Variants in PTPN3 observed in about 807,000 individuals in gnomAD.
PTPN3 encodes tyrosine-protein phosphatase non-receptor type 3.
A neutral mutation model predicts 132.7 loss-of-function variants in PTPN3; 96 were observed. The observed-to-expected ratio is 0.72, with a 90% CI of 0.61 to 0.86. The LOEUF is 0.86. PTPN3 is among the 40% of genes least tolerant of loss of function. The pLI is 0.00. For synonymous variants in PTPN3, 398 were observed against 429.0 expected (o/e 0.93, Z 0.89); for missense variants, 1,125 against 1,159.6 (o/e 0.97, Z 0.43).
chr9:109,517,517 T>C, the PTPN3 span, among the ~76,000 whole-genome samples: 1 of 152,306 alleles, frequency 6.6e-6, no homozygotes, highest in Admixed American at 6.5e-5. Context: ...CAAAAATGAA[T>C]GTGAATTAAA....
chr9:109,532,979 G>T, the PTPN3 span: 1 of 446,158 alleles, frequency 2.2e-6, no homozygotes, highest in Non-Finnish European at 3.0e-6. Context: ...TTTTGAGACG[G>T]GGCCTCGCTC....
chr9:109,380,407 C>T (rs1838964488), intron 25 of PTPN3, among the ~76,000 whole-genome samples: 1 of 152,156 alleles, frequency 6.6e-6, no homozygotes, highest in African/African-American at 2.4e-5. Context: ...AGGCACATGC[C>T]ACCATGCCTG....
In PTPN3 at chr9:109,438,217, T is replaced by C; in HGVS notation, c.484A>G (p.Asn162Asp). Residue 162 changes from asparagine to aspartate, a missense_variant, in exon 8 of 26, where the codon AAT (asparagine) becomes GAT (aspartate). Asn to Asp is a conservative substitution (Grantham distance 23, BLOSUM62 1). Transcript: ENST00000374541. ...TAGCCTGGATGATGTATGGAAGAAT[T>C]ATAGTCTCCAAAATGAGCTATCAAG... ...YAVQSHFGDY[N>D]SSIHHPGYLS... The C allele has an allele frequency of 6.2e-7, 1 of 1,613,006 alleles. No homozygotes were observed. Among genetic ancestry groups the C allele is most frequent in the Non-Finnish European group, 8.5e-7 (1 of 1,179,398 alleles).
chr9:109,470,840 G>A (rs542276348), intron 1 of PTPN3, among the ~76,000 whole-genome samples: 1 of 152,202 alleles, frequency 6.6e-6, no homozygotes, highest in Admixed American at 6.5e-5. Flanking sequence ...TTTTTAACCA[G>A]TGACTTAAAA....
At chr9:109,529,429 G>GT in the PTPN3 span, among the ~76,000 whole-genome samples, 1 of 144,178 alleles carries the variant, frequency 6.9e-6, no homozygotes, top group Non-Finnish European at 1.6e-5. Flanking sequence ...GTCCGAGAGA[G>GT]TGCCCCAGTT....
chr9:109,492,025 T>A (rs1413891754), intron 1 of PTPN3, among the ~76,000 whole-genome samples: 1 of 152,168 alleles, frequency 6.6e-6, no homozygotes, highest in African/African-American at 2.4e-5. Flanking sequence ...CAGAGAAGCA[T>A]CATGCATAAT....
intron 1 of PTPN3, among the ~76,000 whole-genome samples, chr9:109,468,573 A>C (rs912962742): frequency 6.6e-6 from 1 of 152,084 alleles, no homozygotes; most frequent in Admixed American, 6.5e-5. Flanking sequence ...TCACCATGTT[A>C]GCCAGGATGG....
At chr9:109,416,476 C>T (rs1285963166) in intron 14 of PTPN3, among the ~76,000 whole-genome samples, 1 of 148,792 alleles carries the variant, frequency 6.7e-6, no homozygotes, top group Non-Finnish European at 1.5e-5. Flanking sequence ...GACAGGGTCT[C>T]ACTCCAATGC....
the PTPN3 span, among the ~76,000 whole-genome samples, chr9:109,510,599 A>ATATT: frequency 0.14 from 11,149 of 79,542 alleles, 1,116 homozygotes; most frequent in East Asian, 0.42. Flanking sequence ...ATATATATAT[A>ATATT]TATATATATG....
intron 1 of PTPN3, among the ~76,000 whole-genome samples, chr9:109,473,242 CAG>C (rs1846466423): frequency 6.6e-6 from 1 of 152,168 alleles, no homozygotes; most frequent in Non-Finnish European, 1.5e-5. Context: ...ATTTGTTCTA[CAG>C]ACCCTGTAAT....
the PTPN3 span, chr9:109,533,919 GT>G: frequency 1.3e-6 from 1 of 751,456 alleles, no homozygotes; most frequent in Non-Finnish European, 2.4e-6. Context: ...TCTGCTGCAT[GT>G]TTACTGCCTT....
chr9:109,469,694 T>C (rs1027265112), intron 1 of PTPN3, among the ~76,000 whole-genome samples: 1 of 152,152 alleles, frequency 6.6e-6, no homozygotes, highest in African/African-American at 2.4e-5. Flanking sequence ...TTGAAGAATA[T>C]GAGTTCCGTT....
intron 1 of PTPN3, among the ~76,000 whole-genome samples, chr9:109,496,345 T>C (rs2132133117): frequency 6.6e-6 from 1 of 152,314 alleles, no homozygotes; most frequent in African/African-American, 2.4e-5. Flanking sequence ...CCAATATACT[T>C]CACATCTTGA....
chr9:109,408,800 T>A lies in PTPN3; in HGVS notation c.1579-423A>T, dbSNP rs1170353867. Among the ~76,000 whole-genome samples, 131 of 77,948 alleles carry A rather than the reference T, an allele frequency of 1.7e-3. 3 individuals carry two copies. Among genetic ancestry groups the A allele is most frequent in the East Asian group, 9.6e-3 (26 of 2,698 alleles). 51.1% of individuals were successfully genotyped at this position (77,948 alleles called of 152,430 possible). A position where few individuals can be genotyped will look rare whatever the true frequency, so the allele number is the denominator to read the frequency against. ...AATAATTAAAAAAAAAAAAAAAATA[T>A]ATATATATATATATATATGGGCTTT... On this transcript the variant is annotated intron_variant, in intron 16 of 25. Transcript: ENST00000374541.
the PTPN3 span, among the ~76,000 whole-genome samples, chr9:109,510,599 A>ATT: frequency 0.039 from 3,199 of 82,384 alleles, 166 homozygotes; most frequent in African/African-American, 0.078. Context: ...ATATATATAT[A>ATT]TATATATATG....
intron 21 of PTPN3, among the ~76,000 whole-genome samples, chr9:109,390,254 T>C (rs369047340): frequency 2.6e-5 from 4 of 152,332 alleles, no homozygotes; most frequent in African/African-American, 9.6e-5. Flanking sequence ...CAGTTTTTAT[T>C]AGGGCATTTC....
chr9:109,500,931 T>TA (rs1193698517), upstream of PTPN3, among the ~76,000 whole-genome samples: 2,192 of 115,524 alleles, frequency 0.019, 58 homozygotes, highest in African/African-American at 0.062. Context: ...CTGTCTCAAA[T>TA]AAAAAAAAAA....
intron 13 of PTPN3, among the ~76,000 whole-genome samples, chr9:109,421,686 G>A (rs1842902223): frequency 6.6e-6 from 1 of 152,190 alleles, no homozygotes; most frequent in Non-Finnish European, 1.5e-5. Context: ...TCTAAATGTT[G>A]GAAACCAAGA....
At position 109,426,826 on chromosome 9, in the gene PTPN3, C is replaced by T; in HGVS notation, c.1001+124G>A. 2.8e-6 allele frequency: 3 copies of T among 1,067,896 alleles called. No individual in the cohort carries two copies. The South Asian group carries it at 4.9e-5, about 18-fold the overall frequency. The allele number at this position is 1,067,896 out of a possible 1,614,324, so 66.2% of individuals were successfully genotyped here. A position where few individuals can be genotyped will look rare whatever the true frequency, so the allele number is the denominator to read the frequency against. On this transcript the variant is annotated intron_variant, in intron 12 of 25. Transcript: ENST00000374541. ...AGACTTTTAGTTATGGTTCAGAGAT[C>T]CAATGCCTGGAGCCCCTGGGCTATG... is the stretch of plus-strand genomic sequence containing the variant.
Sources: gnomAD v4.1 joint callset for allele counts (sites outside exome capture counted in the v4.1 genomes callset) on GRCh38, gnomAD v4.1.1 for gene constraint, MANE v1.5 for transcripts, NCBI Gene and HGNC (gene_info 2026-07-23, HGNC 2026-07-21) for gene names.